Variants in CNIH3 observed in about 807,000 individuals in gnomAD.
CNIH3 encodes protein cornichon homolog 3.
In CNIH3, 14 loss-of-function variants were observed where a neutral mutation model predicts 24.1. That is an observed-to-expected ratio of 0.58 (90% CI 0.38 to 0.91). The LOEUF is 0.91. Ranked by LOEUF, CNIH3 falls within the 40% of genes least tolerant of loss-of-function variation. The pLI is 0.00. For missense variants in CNIH3, 178 were observed against 196.8 expected (o/e 0.90, Z 0.57); for synonymous variants, 68 against 73.8 (o/e 0.92, Z 0.40).
chr1:224,648,945 G>A (rs1684743168), intron 1 of CNIH3, among the ~76,000 whole-genome samples: 4 of 152,186 alleles, frequency 2.6e-5, no homozygotes, highest in Admixed American at 2.6e-4. Flanking sequence ...CCTGAGTTGT[G>A]AAGAATCTAC....
In CNIH3 at chr1:224,474,886, T is replaced by TA. The variant is rs1553256179; in HGVS notation, n.203+40032dup. 7.1e-3 allele frequency among the ~76,000 whole-genome samples: 38 copies of TA among 5,320 alleles called. 1 individual carries two copies. The South Asian group carries it at 0.11, about 15-fold the overall frequency. 3.5% of individuals were successfully genotyped at this position (5,320 alleles called of 152,430 possible). ...ACTAAAAAATACAAAAAAATAAAAA[T>TA]AAAAAAAAGCCGGTCGTGGCAGTGG... On this transcript the variant is annotated intron_variant and non_coding_transcript_variant, in intron 1 of 5. Transcript: ENST00000471578.
chr1:224,735,653 A>AT (rs5781380), intron 5 of CNIH3, among the ~76,000 whole-genome samples: 151,542 of 152,212 alleles, frequency 1, 75,442 homozygotes, highest in Non-Finnish European at 1. Flanking sequence ...TTTATTTTTT[A>AT]TTATTTTTTA....
chr1:224,476,792 G>T (rs1553256419), intron 1 of CNIH3, among the ~76,000 whole-genome samples: 1 of 150,970 alleles, frequency 6.6e-6, no homozygotes, highest in Non-Finnish European at 1.5e-5. Flanking sequence ...CACAGAAATA[G>T]AAAAAAAAAT....
chr1:224,591,083 T>C (rs1370090566), downstream of CNIH3, among the ~76,000 whole-genome samples: 15 of 151,076 alleles, frequency 9.9e-5, no homozygotes, highest in East Asian at 2.7e-3. Flanking sequence ...CCTTTCTAAG[T>C]ATATTTCCAG....
intron 1 of CNIH3, among the ~76,000 whole-genome samples, chr1:224,465,725 C>T (rs1213319590): frequency 2.0e-5 from 3 of 152,122 alleles, no homozygotes; most frequent in Non-Finnish European, 4.4e-5. Context: ...TAACTACATA[C>T]CGTATCAAAA....
At chr1:224,655,501 C>G (rs1685055562) in intron 1 of CNIH3, among the ~76,000 whole-genome samples, 1 of 152,114 alleles carries the variant, frequency 6.6e-6, no homozygotes, top group African/African-American at 2.4e-5. Context: ...CCTAGTTAGA[C>G]TCCTCGGTTT....
At chr1:224,466,582 G>A (rs1377862822) in intron 1 of CNIH3, among the ~76,000 whole-genome samples, 1 of 152,200 alleles carries the variant, frequency 6.6e-6, no homozygotes, top group Non-Finnish European at 1.5e-5. Context: ...AGATTGCAGA[G>A]CGCATATAGG....
intron 1 of CNIH3, among the ~76,000 whole-genome samples, chr1:224,672,546 A>G (rs1002925229): frequency 1.3e-5 from 2 of 152,114 alleles, no homozygotes; most frequent in Non-Finnish European, 2.9e-5. Flanking sequence ...ACCTCTTCCC[A>G]GCTAATGGTG....
At chr1:224,670,020 G>A (rs936827929) in intron 1 of CNIH3, among the ~76,000 whole-genome samples, 8 of 151,320 alleles carry the variant, frequency 5.3e-5, no homozygotes, top group African/African-American at 1.9e-4. Flanking sequence ...ACCCCATTTT[G>A]CATTCATAGC....
Position 224,617,024 on chromosome 1 carries a change from C to G in CNIH3, c.-151C>G. 2 of 1,424,946 alleles carry G rather than the reference C, an allele frequency of 1.4e-6. No homozygotes were observed. Among genetic ancestry groups the G allele is most frequent in the Non-Finnish European group, 1.8e-6 (2 of 1,093,546 alleles). 88.3% of individuals were successfully genotyped at this position (1,424,946 alleles called of 1,614,324 possible). A position where few individuals can be genotyped will look rare whatever the true frequency, so the allele number is the denominator to read the frequency against. On this transcript the variant is annotated 5_prime_UTR_variant, in exon 1 of 6. Transcript: ENST00000272133. Reference sequence around the variant, plus strand: ...AATCCAGCGCTTATTCGCTGACCCTCGAGTCGCTTCGCTAGCTGTGCGCCC... The same window carrying G: ...AATCCAGCGCTTATTCGCTGACCCTGGAGTCGCTTCGCTAGCTGTGCGCCC...
intron 3 of CNIH3, among the ~76,000 whole-genome samples, chr1:224,598,595 C>G (rs564395316): frequency 6.6e-6 from 1 of 152,282 alleles, no homozygotes; most frequent in South Asian, 2.1e-4. Context: ...TGGCAAACTT[C>G]ATTGTTGTCT....
At chr1:224,542,788 C>T (rs1167929086) in intron 2 of CNIH3, among the ~76,000 whole-genome samples, 3 of 152,144 alleles carry the variant, frequency 2.0e-5, no homozygotes, top group East Asian at 1.9e-4. Flanking sequence ...TCAACCCCTC[C>T]GTATAGTAGC....
intron 1 of CNIH3, among the ~76,000 whole-genome samples, chr1:224,436,438 CTG>C (rs1027507067): frequency 2.0e-5 from 3 of 152,180 alleles, no homozygotes; most frequent in Non-Finnish European, 4.4e-5. Flanking sequence ...TGAATAAAGA[CTG>C]TAGGTTTTAT....
intron 4 of CNIH3, among the ~76,000 whole-genome samples, chr1:224,578,424 A>T (rs1453189656): frequency 1.3e-5 from 2 of 152,134 alleles, no homozygotes; most frequent in African/African-American, 2.4e-5. Context: ...CTTATGCTCT[A>T]TGCCTACTGC....
chr1:224,634,894 T>C (rs1684012437), intron 1 of CNIH3, among the ~76,000 whole-genome samples: 1 of 152,226 alleles, frequency 6.6e-6, no homozygotes. Flanking sequence ...TGCTAGCTCA[T>C]AATTAGCAAA....
chr1:224,602,692 T>C (rs1188234766), intron 3 of CNIH3, among the ~76,000 whole-genome samples: 2 of 152,208 alleles, frequency 1.3e-5, no homozygotes, highest in Non-Finnish European at 2.9e-5. Context: ...AATGAATAGT[T>C]CTCAAAGAGG....
chr1:224,559,603 C>G (rs1367730543), intron 3 of CNIH3, among the ~76,000 whole-genome samples: 2 of 152,064 alleles, frequency 1.3e-5, no homozygotes, highest in Non-Finnish European at 2.9e-5. Context: ...CAACTCCTGA[C>G]CTCAAGCAAT....
intron 4 of CNIH3, chr1:224,574,393 G>A (rs142480294): frequency 3.1e-5 from 15 of 491,062 alleles, no homozygotes; most frequent in Middle Eastern, 3.0e-4. Flanking sequence ...GAGTCACTGA[G>A]GTACATGGTT....
chr1:224,457,645 G>A (rs547692740), intron 1 of CNIH3, among the ~76,000 whole-genome samples: 1 of 151,978 alleles, frequency 6.6e-6, no homozygotes, highest in Admixed American at 6.5e-5. Flanking sequence ...TTCCAGCCAG[G>A]CACTTTTCTG....
Sources: gnomAD v4.1 joint callset for allele counts (sites outside exome capture counted in the v4.1 genomes callset) on GRCh38, gnomAD v4.1.1 for gene constraint, MANE v1.5 for transcripts, NCBI Gene and HGNC (gene_info 2026-07-23, HGNC 2026-07-21) for gene names.